The following PRDM5 variants were observed in gnomAD, a reference collection of about 807,000 sequenced individuals.
PRDM5 encodes the protein PR/SET domain 5, also known as PR domain zinc finger protein 5.
A neutral mutation model predicts 81.2 loss-of-function variants in PRDM5; 56 were observed. The ratio of observed to expected loss-of-function variants is 0.69; its 90% CI spans 0.56 to 0.86. The LOEUF (loss-of-function observed/expected upper bound fraction) is 0.86, where lower values mean the gene tolerates loss of function less well. Ranked by LOEUF, PRDM5 falls within the 40% of genes least tolerant of loss-of-function variation. PRDM5 has a pLI of 0.00. For synonymous variants in PRDM5, 267 were observed against 256.4 expected, an observed-to-expected ratio of 1.04 and a Z score of -0.39; for missense variants, 697 against 770.1, an observed-to-expected ratio of 0.91 and a Z score of 1.12.
intron 3 of PRDM5, among the ~76,000 whole-genome samples, chr4:120,836,375 C>T (rs973569516): frequency 2.6e-5 from 4 of 151,982 alleles, no homozygotes; most frequent in African/African-American, 7.2e-5. Flanking sequence ...TAATATATTT[C>T]CAAACATTAA....
rs539824220 is a variant in PRDM5, at chr4:120,800,352, C to CA, written c.946-608dup. On this transcript the variant is annotated intron_variant, in intron 8 of 15. Coordinates refer to ENST00000264808, the MANE Select transcript of PRDM5 (RefSeq NM_018699.4). ...ACAACAAAGTGAGACCTCGTCCCTACAAAAAATTTTAAAAATTAGCCAGGT... is the reference window on the plus strand; with the variant it reads ...ACAACAAAGTGAGACCTCGTCCCTACAAAAAAATTTTAAAAATTAGCCAGGT... Among the ~76,000 whole-genome samples the CA allele has an allele frequency of 5.3e-4, 81 of 152,094 alleles. 2 individuals carry two copies. In the South Asian group the frequency reaches 0.017, roughly 31 times the overall value.
intron 3 of PRDM5, among the ~76,000 whole-genome samples, chr4:120,835,775 C>T (rs80212196): frequency 0.2 from 30,273 of 151,688 alleles, 3,672 homozygotes; most frequent in Non-Finnish European, 0.28. Flanking sequence ...GAAAGGAACT[C>T]GCACATTTAA....
intron 15 of PRDM5, among the ~76,000 whole-genome samples, chr4:120,703,989 G>A (rs1735757147): frequency 1.3e-5 from 2 of 152,178 alleles, no homozygotes; most frequent in African/African-American, 4.8e-5. Flanking sequence ...TGCCACTGTG[G>A]TGGGAGGGAT....
At chr4:120,922,378 C>A in intron 1 of PRDM5, 138 bp downstream of exon 1, 1 of 1,113,774 alleles carries the variant, frequency 9.0e-7, no homozygotes, top group Non-Finnish European at 1.1e-6. Context: ...CCGGCCTTCC[C>A]ACGGACGCCT....
intron 13 of PRDM5, among the ~76,000 whole-genome samples, chr4:120,769,149 CAG>C (rs1419233223): frequency 6.6e-6 from 1 of 152,194 alleles, no homozygotes; most frequent in East Asian, 1.9e-4. Context: ...TACTATCATA[CAG>C]GTAATGCAAC....
chr4:120,816,970 G>A (rs1298467134), intron 5 of PRDM5, 46 bp from the exon 6 acceptor site: 3 of 1,421,696 alleles, frequency 2.1e-6, no homozygotes, highest in East Asian at 2.3e-5. Context: ...ACAAAAACTG[G>A]AACTCTAAGA....
intron 14 of PRDM5, among the ~76,000 whole-genome samples, chr4:120,745,983 T>A (rs1099231): frequency 0.23 from 33,493 of 148,006 alleles, 3,059 homozygotes; most frequent in South Asian, 0.36. Context: ...AAGTCAATCC[T>A]AAGCCAAAAG....
chr4:120,813,472 C>T (rs1032782077), intron 7 of PRDM5, among the ~76,000 whole-genome samples: 15 of 152,008 alleles, frequency 9.9e-5, no homozygotes, highest in South Asian at 2.1e-4. Context: ...AAAATGATTT[C>T]GTTTTATTAT....
At chr4:120,690,256 T>C (rs1733989029), downstream of PRDM5, among the ~76,000 whole-genome samples, 1 of 152,168 alleles carries the variant, frequency 6.6e-6, no homozygotes. Flanking sequence ...CTAATTCCAA[T>C]AATGAACTCA....
Position 120,754,596 on chromosome 4 carries a change from C to A in PRDM5, c.1580G>T (p.Ser527Ile). 1 of 1,602,130 alleles carries A rather than the reference C, an allele frequency of 6.2e-7. No individual in the cohort carries two copies. The highest frequency in any genetic ancestry group is 1.1e-5 in the South Asian group (1 of 90,830). The stretch of plus-strand genomic sequence containing the variant: ...GTGCATCTTCAGTCCATCATTTTTA[C>A]TGAATCCTTTTTCACAGTAAGGACA... ...YQCPYCEKGF[S>I]KNDGLKMHIR... is the part of the protein sequence containing the mutation. Residue 527 changes from serine to isoleucine, a missense_variant, in exon 14 of 16, where the codon AGT becomes ATT. By Grantham distance (142) the Ser-to-Ile change is moderately radical. This residue lies in a region of PRDM5 where 86 missense variants were observed against 135.2 expected (regional missense o/e 0.64). Coordinates refer to ENST00000264808, the MANE Select transcript of PRDM5 (RefSeq NM_018699.4).
intron 14 of PRDM5, among the ~76,000 whole-genome samples, chr4:120,712,235 A>G (rs1737107599): frequency 6.6e-6 from 1 of 152,204 alleles, no homozygotes; most frequent in Non-Finnish European, 1.5e-5. Context: ...GCAGTGAGCC[A>G]AGATGACTCC....
intron 4 of PRDM5, 119 bp downstream of exon 4, chr4:120,821,052 A>G: frequency 8.1e-7 from 1 of 1,236,492 alleles, no homozygotes; most frequent in South Asian, 1.2e-5. Flanking sequence ...TAATTTTGAC[A>G]AAAACTAACT....
At chr4:120,854,939 A>T in intron 2 of PRDM5, among the ~76,000 whole-genome samples, 1 of 152,224 alleles carries the variant, frequency 6.6e-6, no homozygotes, top group East Asian at 1.9e-4. Context: ...TCAAAGAACA[A>T]TAAGAAGGTT....
At chr4:120,736,030 A>G (rs574753081) in intron 14 of PRDM5, among the ~76,000 whole-genome samples, 59 of 132,558 alleles carry the variant, frequency 4.5e-4, no homozygotes, top group African/African-American at 1.7e-3. Flanking sequence ...TCCACTGTCT[A>G]TCATTCCATT....
rs571776701 is a variant in PRDM5 at position 120,825,040 on chromosome 4, A to T, written c.301-3695T>A. On this transcript the variant is annotated intron_variant, in intron 3 of 15. Transcript: ENST00000264808. ...ATGAACCCTGTTCCTTGATACCAGG[A>T]AGCAGTACTATATGGCAACCAAAGA... 1.8e-4 allele frequency among the ~76,000 whole-genome samples: 27 copies of T among 152,240 alleles called. No homozygotes were observed. In the East Asian group the frequency reaches 3.7e-3, roughly 21 times the overall value.
chr4:120,898,556 T>C (rs1764906383), intron 2 of PRDM5, among the ~76,000 whole-genome samples: 1 of 152,158 alleles, frequency 6.6e-6, no homozygotes, highest in Non-Finnish European at 1.5e-5. Flanking sequence ...CTGCAGATTA[T>C]CAGTTCATCT....
chr4:120,876,245 C>T (rs764381550), intron 2 of PRDM5, among the ~76,000 whole-genome samples: 4 of 152,216 alleles, frequency 2.6e-5, no homozygotes, highest in Non-Finnish European at 5.9e-5. Context: ...TCAGATTACC[C>T]TCCTTCCACC....
chr4:120,731,636 G>A (rs1398036875), intron 14 of PRDM5: 1 of 152,114 alleles, frequency 6.6e-6, no homozygotes, highest in Non-Finnish European at 1.5e-5. Context: ...GTGGTCATGT[G>A]GAAGTTGGTG....
chr4:120,786,980 A>G (rs531670905), intron 10 of PRDM5, among the ~76,000 whole-genome samples: 82 of 152,326 alleles, frequency 5.4e-4, no homozygotes, highest in African/African-American at 1.9e-3. Context: ...ATAGCCATGA[A>G]CCAAAAGACA....
Sources: allele counts gnomAD v4.1 joint callset (sites outside exome capture counted in the v4.1 genomes callset), GRCh38; gene constraint gnomAD v4.1.1; regional missense constraint gnomAD v4.1.1; transcripts MANE v1.5; gene names NCBI Gene and HGNC (gene_info 2026-07-23, HGNC 2026-07-21).